The following NBAS variants were observed in gnomAD, a reference collection of about 807,000 sequenced individuals.
NBAS encodes the protein NAG/BC035112 fusion.
NBAS carries 219 observed loss-of-function variants against 302.5 expected under a neutral mutation model. The observed-to-expected ratio is 0.72, with a 90% CI of 0.65 to 0.81. The LOEUF (loss-of-function observed/expected upper bound fraction) is 0.81, where lower values mean the gene tolerates loss of function less well. Among genes scored for constraint, NBAS ranks in the 30% least tolerant of loss-of-function variants. The pLI is 0.00. For synonymous variants in NBAS, 1,118 were observed against 1,021.6 expected, an observed-to-expected ratio of 1.09 and a Z score of -1.80; for missense variants, 2,932 against 2,841.6, an observed-to-expected ratio of 1.03 and a Z score of -0.72.
At chr2:15,442,823 C>T (rs1215672102) in intron 21 of NBAS, among the ~76,000 whole-genome samples, 1 of 151,478 alleles carries the variant, frequency 6.6e-6, no homozygotes, top group African/African-American at 2.4e-5. Flanking sequence ...AAGGGGATAT[C>T]ACCACCGATC....
intron 40 of NBAS, among the ~76,000 whole-genome samples, chr2:15,302,725 CT>C: frequency 6.6e-6 from 1 of 152,262 alleles, no homozygotes; most frequent in Non-Finnish European, 1.5e-5. Context: ...CTGGGTGTGT[CT>C]GTGAGGGTGT....
chr2:15,002,832 CG>C, the NBAS span, among the ~76,000 whole-genome samples: 3 of 152,184 alleles, frequency 2.0e-5, no homozygotes, highest in Admixed American at 6.5e-5. Context: ...GCTCCAAGTG[CG>C]GGGCCCGCCA....
chr2:15,304,595 C>T (rs1221685842), intron 40 of NBAS, among the ~76,000 whole-genome samples: 1 of 152,194 alleles, frequency 6.6e-6, no homozygotes, highest in African/African-American at 2.4e-5. Context: ...TGTTGAATGA[C>T]TTTGACCAAA....
At chr2:15,560,046 A>G (rs1264515025) in intron 1 of NBAS, among the ~76,000 whole-genome samples, 2 of 152,194 alleles carry the variant, frequency 1.3e-5, no homozygotes, top group Non-Finnish European at 2.9e-5. Context: ...GAGGAAAAAA[A>G]TACAAACTTT....
the NBAS span, among the ~76,000 whole-genome samples, chr2:15,118,416 T>G: frequency 6.6e-6 from 1 of 152,176 alleles, no homozygotes; most frequent in African/African-American, 2.4e-5. Flanking sequence ...AAAAGCGGCC[T>G]CTGTGAGCCA....
At chr2:15,208,949 C>T (rs1289667700) in intron 48 of NBAS, among the ~76,000 whole-genome samples, 1 of 151,914 alleles carries the variant, frequency 6.6e-6, no homozygotes, top group Non-Finnish European at 1.5e-5. Flanking sequence ...TAATGAAGAT[C>T]AGAGCAGAAA....
the NBAS span, among the ~76,000 whole-genome samples, chr2:15,026,811 T>C: frequency 2.8e-4 from 42 of 152,316 alleles, no homozygotes; most frequent in Non-Finnish European, 5.7e-4. Context: ...ATTTTATGTA[T>C]GATGTAGAAT....
chr2:15,451,669 A>T (rs891089805), intron 21 of NBAS, among the ~76,000 whole-genome samples: 17 of 152,174 alleles, frequency 1.1e-4, no homozygotes, highest in African/African-American at 3.9e-4. Flanking sequence ...TTTTCATATC[A>T]TAAGTTTTAC....
chr2:14,833,783 G>C, the NBAS span, among the ~76,000 whole-genome samples: 2 of 152,058 alleles, frequency 1.3e-5, no homozygotes, highest in African/African-American at 2.4e-5. Context: ...TGACCCCCGA[G>C]ACTGTTTCAT....
At chr2:15,001,423 G>C in the NBAS span, among the ~76,000 whole-genome samples, 3 of 152,044 alleles carry the variant, frequency 2.0e-5, no homozygotes, top group Non-Finnish European at 4.4e-5. Context: ...TATAATGTAA[G>C]ATATTAGACT....
At chr2:15,254,489 ACTT>A (rs1383330190) in intron 44 of NBAS, among the ~76,000 whole-genome samples, 2 of 152,006 alleles carry the variant, frequency 1.3e-5, no homozygotes, top group Non-Finnish European at 2.9e-5. Flanking sequence ...TGGATAACAA[ACTT>A]CTTCTTGCAT....
At chr2:15,019,019 A>G in the NBAS span, among the ~76,000 whole-genome samples, 3 of 152,208 alleles carry the variant, frequency 2.0e-5, no homozygotes, top group Admixed American at 1.3e-4. Context: ...CACTTTTTGC[A>G]TTTCAATAAG....
the NBAS span, among the ~76,000 whole-genome samples, chr2:14,986,201 A>G: frequency 3.1e-4 from 47 of 151,646 alleles, no homozygotes; most frequent in African/African-American, 1.1e-3. Context: ...AATCCCTTAC[A>G]GGTATATCTT....
At chr2:15,045,039 T>G in the NBAS span, among the ~76,000 whole-genome samples, 1 of 152,212 alleles carries the variant, frequency 6.6e-6, no homozygotes, top group Admixed American at 6.5e-5. Flanking sequence ...TTCTGACCAA[T>G]TAGCAAAGAC....
At chr2:14,830,872 AC>A in the NBAS span, among the ~76,000 whole-genome samples, 1 of 152,168 alleles carries the variant, frequency 6.6e-6, no homozygotes, top group Non-Finnish European at 1.5e-5. Flanking sequence ...TCCTTGATTT[AC>A]ACAGTTTGCC....
chr2:15,470,784 C>T (rs983990200), intron 16 of NBAS, among the ~76,000 whole-genome samples: 7 of 151,946 alleles, frequency 4.6e-5, no homozygotes, highest in African/African-American at 1.7e-4. Context: ...ATATGGTGAA[C>T]CCCCGTCTCT....
chr2:15,157,724 A>G, the NBAS span, among the ~76,000 whole-genome samples: 1 of 152,228 alleles, frequency 6.6e-6, no homozygotes. Flanking sequence ...TGTCATGACA[A>G]CTGGGAGCAG....
chr2:15,100,580 G>C, the NBAS span, among the ~76,000 whole-genome samples: 1 of 152,202 alleles, frequency 6.6e-6, no homozygotes, highest in Non-Finnish European at 1.5e-5. Flanking sequence ...TGTTGAACTT[G>C]AAGGTGGGTT....
the NBAS span, among the ~76,000 whole-genome samples, chr2:14,971,247 T>C: frequency 6.6e-6 from 1 of 152,294 alleles, no homozygotes; most frequent in Non-Finnish European, 1.5e-5. Context: ...CCGGACACAG[T>C]GGCTCATGCC....
Sources: allele counts gnomAD v4.1 joint callset (sites outside exome capture counted in the v4.1 genomes callset), GRCh38; gene constraint gnomAD v4.1.1; transcripts MANE v1.5; gene names NCBI Gene and HGNC (gene_info 2026-07-23, HGNC 2026-07-21).